Variants in ALG12 observed in about 807,000 individuals in gnomAD.
ALG12 encodes dol-P-Man:Man(7)GlcNAc(2)-PP-Dol alpha-1,6-mannosyltransferase.
ALG12 carries 36 observed loss-of-function variants against 46.0 expected under a neutral mutation model. The observed-to-expected ratio is 0.78, with a 90% confidence interval of 0.60 to 1.03. The LOEUF (loss-of-function observed/expected upper bound fraction) is 1.03, where lower values mean the gene tolerates loss of function less well. Among genes scored for constraint, ALG12 ranks in the 50% least tolerant of loss-of-function variants. The pLI is 0.00. For missense variants in ALG12, 599 were observed against 633.5 expected (o/e 0.95, Z 0.58); for synonymous variants, 326 against 291.6 (o/e 1.12, Z -1.20).
chr22:49,871,907 A>T, the ALG12 span, among the ~76,000 whole-genome samples: 1 of 151,882 alleles, frequency 6.6e-6, no homozygotes, highest in African/African-American at 2.4e-5. Context: ...CAACATGCCC[A>T]GCTAATTTTT....
At chr22:49,860,255 C>T in the ALG12 span, among the ~76,000 whole-genome samples, 6 of 152,286 alleles carry the variant, frequency 3.9e-5, no homozygotes, top group East Asian at 3.9e-4. Context: ...GCTGCAATGA[C>T]GTCACTGCAC....
rs1315221660 is a variant in ALG12, at chr22:49,906,800, C to T, written c.992+921G>A. On this transcript the variant is annotated intron_variant, in intron 7 of 9. Coordinates refer to ENST00000330817, the MANE Select transcript of ALG12 (RefSeq NM_024105.4). This position sits in a 1 kb window ranked among gnomAD's most constrained non-coding sequence, Gnocchi z 4.4. ...GGCCAGCCTCAGCCCTGGGTTCTTC[C>T]GCAGCACCCACAGGGCCAGCAGTGA... is the stretch of plus-strand genomic sequence containing the variant. Among the ~76,000 whole-genome samples, 1 of 152,156 alleles carries T rather than the reference C, an allele frequency of 6.6e-6. No individual in the cohort carries two copies. The highest frequency in any genetic ancestry group is 2.4e-5 in the African/African-American group (1 of 41,438).
intron 1 of ALG12, among the ~76,000 whole-genome samples, chr22:49,916,578 T>TC (rs1453290682): frequency 1.3e-5 from 2 of 151,880 alleles, no homozygotes; most frequent in Middle Eastern, 3.4e-3. Flanking sequence ...AGACTCCGTC[T>TC]CAAAAAAAAA....
intron 1 of ALG12, among the ~76,000 whole-genome samples, chr22:49,917,037 A>G (rs1286265333): frequency 6.6e-6 from 1 of 152,186 alleles, no homozygotes; most frequent in Non-Finnish European, 1.5e-5. Context: ...AGCACAGCTC[A>G]CTTTCGAGGG....
chr22:49,907,256 G>A (rs778395351), intron 7 of ALG12, among the ~76,000 whole-genome samples: 4 of 152,272 alleles, frequency 2.6e-5, no homozygotes, highest in East Asian at 1.9e-4. Context: ...GCCCTCTGCC[G>A]CTGCTACCTA....
chr22:49,880,000 G>T, the ALG12 span, among the ~76,000 whole-genome samples: 2 of 151,536 alleles, frequency 1.3e-5, no homozygotes, highest in African/African-American at 4.8e-5. Context: ...CGCAGGTCTG[G>T]TTGTTTTTGT....
At chr22:49,875,571 C>G in the ALG12 span, among the ~76,000 whole-genome samples, 1 of 151,914 alleles carries the variant, frequency 6.6e-6, no homozygotes, top group Non-Finnish European at 1.5e-5. Flanking sequence ...CAGGTGCGCA[C>G]CACCACGCCC....
chr22:49,874,654 T>C, the ALG12 span, among the ~76,000 whole-genome samples: 49 of 128,578 alleles, frequency 3.8e-4, no homozygotes, highest in East Asian at 0.012. Context: ...ATTACAGGCG[T>C]GAACCACCAT....
chr22:49,864,300 C>T, the ALG12 span, among the ~76,000 whole-genome samples: 3 of 152,230 alleles, frequency 2.0e-5, no homozygotes, highest in Non-Finnish European at 2.9e-5. Flanking sequence ...TCTGTTTTAT[C>T]TCTTGCTACA....
the ALG12 span, among the ~76,000 whole-genome samples, chr22:49,866,889 C>G: frequency 6.6e-6 from 1 of 152,196 alleles, no homozygotes; most frequent in African/African-American, 2.4e-5. Context: ...AACGGTGGCT[C>G]TCGGCAAATG....
intron 4 of ALG12, 91 bp downstream of exon 4, chr22:49,910,343 G>T: frequency 6.7e-7 from 1 of 1,502,612 alleles, no homozygotes; most frequent in Non-Finnish European, 9.1e-7. Context: ...TGGCCATTAC[G>T]GGGGAGGCAC....
chr22:49,915,177 C>T (rs578130851), intron 1 of ALG12, among the ~76,000 whole-genome samples: 17 of 152,296 alleles, frequency 1.1e-4, no homozygotes, highest in South Asian at 2.1e-4. Flanking sequence ...AATAATTTTA[C>T]GACTGAAATG....
chr22:49,915,749 C>A (rs2060605798), intron 1 of ALG12, among the ~76,000 whole-genome samples: 1 of 152,124 alleles, frequency 6.6e-6, no homozygotes, highest in African/African-American at 2.4e-5. Context: ...ACCAGCGCAG[C>A]CTCAGCACCA....
At chr22:49,917,705 CTT>C (rs111244256) in intron 1 of ALG12, among the ~76,000 whole-genome samples, 2 of 143,254 alleles carry the variant, frequency 1.4e-5, no homozygotes, top group Admixed American at 6.9e-5. Context: ...TCAGATGTTA[CTT>C]TTTTTTTTTT....
the ALG12 span, among the ~76,000 whole-genome samples, chr22:49,869,882 C>G: frequency 1.3e-5 from 2 of 152,176 alleles, no homozygotes; most frequent in Non-Finnish European, 1.5e-5. Context: ...TTGCGTGATG[C>G]TGAGTTTGGG....
intron 1 of ALG12, among the ~76,000 whole-genome samples, chr22:49,917,304 A>C (rs1488833176): frequency 6.6e-6 from 1 of 152,232 alleles, no homozygotes; most frequent in African/African-American, 2.4e-5. Context: ...GAACAATGGC[A>C]TCTCAGATTA....
chr22:49,869,284 G>A, the ALG12 span, among the ~76,000 whole-genome samples: 4 of 152,122 alleles, frequency 2.6e-5, no homozygotes, highest in African/African-American at 9.7e-5. Flanking sequence ...TAGTGCTTCC[G>A]CTGGAAGGGC....
intron 1 of ALG12, among the ~76,000 whole-genome samples, chr22:49,916,182 G>A (rs1034732611): frequency 6.6e-6 from 1 of 152,172 alleles, no homozygotes; most frequent in South Asian, 2.1e-4. Context: ...GAACCCAGGA[G>A]GTGGAGCTTG....
At chr22:49,885,383 C>G in the ALG12 span, 2 of 1,596,450 alleles carry the variant, frequency 1.3e-6, no homozygotes, top group Admixed American at 3.4e-5. Flanking sequence ...TCCGCAGACT[C>G]CACAAAAGTC....
Sources: gnomAD v4.1 joint callset for allele counts (sites outside exome capture counted in the v4.1 genomes callset) on GRCh38, gnomAD v4.1.1 for gene constraint, Gnocchi (gnomAD v3.1) non-coding constraint, MANE v1.5 for transcripts, NCBI Gene and HGNC (gene_info 2026-07-23, HGNC 2026-07-21) for gene names.